Variants in PLEKHH2 observed in about 807,000 individuals in gnomAD.
PLEKHH2 encodes the protein pleckstrin homology, MyTH4 and FERM domain containing H2.
In PLEKHH2, 129 loss-of-function variants were observed where a neutral mutation model predicts 187.9. The observed-to-expected ratio is 0.69, with a 90% CI of 0.59 to 0.79. The LOEUF (loss-of-function observed/expected upper bound fraction) is 0.79. PLEKHH2 is among the 30% of genes least tolerant of loss of function. PLEKHH2 has a pLI of 0.00. For synonymous variants in PLEKHH2, 686 were observed against 605.6 expected, an observed-to-expected ratio of 1.13 and a Z score of -1.95; for missense variants, 2,076 against 1,751.2, an observed-to-expected ratio of 1.19 and a Z score of -3.31.
At chr2:43,720,342 A>G (rs1193468420) in intron 15 of PLEKHH2, among the ~76,000 whole-genome samples, 2 of 151,196 alleles carry the variant, frequency 1.3e-5, no homozygotes, top group East Asian at 3.9e-4. Context: ...GGTTTGTTAC[A>G]TGTGAATATT....
intron 8 of PLEKHH2, 30 bp downstream of exon 8, chr2:43,700,638 G>C (rs145347857): frequency 9.2e-5 from 144 of 1,562,310 alleles, no homozygotes; most frequent in Non-Finnish European, 1.2e-4. Flanking sequence ...TAACACATAC[G>C]CAGTAGTTTT....
chr2:43,753,563 C>T (rs1037799297), intron 24 of PLEKHH2, 56 bp from the exon 25 acceptor site: 64 of 1,344,040 alleles, frequency 4.8e-5, no homozygotes, highest in Non-Finnish European at 5.8e-5. Flanking sequence ...TTTATCTTTA[C>T]TTTATTTCCT....
At position 43,712,380 on chromosome 2, in the gene PLEKHH2, T is replaced by C. The variant is rs200685317; in HGVS notation, c.2457T>C (p.Thr819=). Residue 819 remains threonine (T), a synonymous_variant, in exon 15 of 30, where the codon ACT becomes ACC. Coordinates refer to ENST00000282406, the MANE Select transcript of PLEKHH2 (RefSeq NM_172069.4). ...AACCCACCATGAAGGGATTGCTCAC[T>C]AAGGTAGGAACCTCCTGTGCATAGC... ...EGKPTMKGLL[T]KVKHGYSKRV... 3.3e-5 allele frequency: 54 copies of C among 1,613,982 alleles called. No individual in the cohort carries two copies. Among genetic ancestry groups the C allele is most frequent in the Non-Finnish European group, 3.8e-5 (45 of 1,179,954 alleles).
At chr2:43,741,568 A>G (rs1290477951) in intron 21 of PLEKHH2, among the ~76,000 whole-genome samples, 1 of 152,246 alleles carries the variant, frequency 6.6e-6, no homozygotes, top group Non-Finnish European at 1.5e-5. Context: ...ATCCAGGGTC[A>G]TTTTGTCCAC....
At position 43,738,347 on chromosome 2, in the gene PLEKHH2, C is replaced by T; in HGVS notation, c.2950C>T (p.Gln984Ter). 1 of 1,606,784 alleles carries T rather than the reference C, an allele frequency of 6.2e-7. No individual in the cohort carries two copies. Among genetic ancestry groups the T allele is most frequent in the Non-Finnish European group, 8.5e-7 (1 of 1,175,210 alleles). ...TEAIKLFKTC[Q>*]LFINAAVDSP... Reference sequence around the variant, plus strand: ...CTTTTTTTGTTTAATTCAGACCTGCCAGCTTTTTATAAATGCTGCAGTTGA... The same window carrying T: ...CTTTTTTTGTTTAATTCAGACCTGCTAGCTTTTTATAAATGCTGCAGTTGA... Residue 984 changes from glutamine to a stop codon, truncating the protein, a stop_gained, in exon 20 of 30, where the codon CAG (glutamine) becomes TAG (stop). Coordinates refer to ENST00000282406, the MANE Select transcript of PLEKHH2 (RefSeq NM_172069.4). LOFTEE classifies it high-confidence loss of function.
intron 2 of PLEKHH2, among the ~76,000 whole-genome samples, chr2:43,655,722 C>T (rs573284115): frequency 6.6e-6 from 1 of 152,270 alleles, no homozygotes; most frequent in South Asian, 2.1e-4. Context: ...TTGGAAATCT[C>T]ACTTGGGGTA....
intron 2 of PLEKHH2, among the ~76,000 whole-genome samples, chr2:43,648,559 TCG>T (rs1491577088): frequency 1.3e-5 from 1 of 77,164 alleles, no homozygotes; most frequent in Non-Finnish European, 2.7e-5. Context: ...GTAATTACAT[TCG>T]TGTGTGTGTG....
At chr2:43,659,290 C>T (rs1169230071) in intron 2 of PLEKHH2, among the ~76,000 whole-genome samples, 1 of 151,988 alleles carries the variant, frequency 6.6e-6, no homozygotes, top group Non-Finnish European at 1.5e-5. Context: ...AGCCACCAAG[C>T]CTGGCAAAGA....
rs201566799 is a variant in PLEKHH2 at position 43,699,866 on chromosome 2, C to T, written c.908C>T (p.Thr303Ile). The change falls in exon 8 of 30, where the codon ACA (threonine) becomes ATA (isoleucine). Residue 303 changes from threonine (T) to isoleucine (I), a missense_variant. By Grantham distance (89) the Thr-to-Ile change is moderately conservative (BLOSUM62 -1). Transcript: ENST00000282406. ...GSKGRSKSRC[T>I]STLSSHTSEE... ...AAAGGAAGATCCAAGTCCAGATGCA[C>T]ATCCACCCTCTCCAGTCACACATCT... The T allele has an allele frequency of 3.7e-6, 6 of 1,614,116 alleles. No individual in the cohort carries two copies. The highest frequency in any genetic ancestry group is 4.5e-5 in the East Asian group (2 of 44,880).
Position 43,710,099 on chromosome 2 carries a change from C to G in PLEKHH2, c.2076C>G (p.Cys692Trp). ...SQPEQKLPKT[C>W]SSSSDNGKNE... ...CAGAGCAGAAGCTCCCAAAAACTTGCTCATCTTCCAGTGATAATGGGAAAA... is the reference window on the plus strand; with the variant it reads ...CAGAGCAGAAGCTCCCAAAAACTTGGTCATCTTCCAGTGATAATGGGAAAA... Residue 692 changes from cysteine (C) to tryptophan (W), a missense_variant, in exon 12 of 30, where the codon TGC (cysteine) becomes TGG (tryptophan). Cys to Trp is a radical substitution (Grantham distance 215). Coordinates refer to ENST00000282406, the MANE Select transcript of PLEKHH2 (RefSeq NM_172069.4). 6.2e-7 allele frequency: 1 copy of G among 1,613,140 alleles called. No homozygotes were observed. The highest frequency in any genetic ancestry group is 8.5e-7 in the Non-Finnish European group (1 of 1,179,736).
At position 43,720,175 on chromosome 2, in the gene PLEKHH2, C is replaced by A. The variant is rs114784541; in HGVS notation, c.2461-494C>A. On this transcript the variant is annotated intron_variant, in intron 15 of 29. Transcript: ENST00000282406. ...CTCCCTTCTTTATCCATCTGTGAAA[C>A]CTCAGTCCTAGGCATAGTGTTTGAT... Among the ~76,000 whole-genome samples, 857 of 152,254 alleles carry A rather than the reference C, an allele frequency of 5.6e-3. 15 individuals are homozygous for A. Among genetic ancestry groups the A allele is most frequent in the African/African-American group, 0.019 (808 of 41,536 alleles).
At chr2:43,754,404 G>A (rs1672132204) in intron 25 of PLEKHH2, among the ~76,000 whole-genome samples, 1 of 151,998 alleles carries the variant, frequency 6.6e-6, no homozygotes, top group Non-Finnish European at 1.5e-5. Flanking sequence ...GCTTCAGGGT[G>A]GGGGAAGGGC....
chr2:43,641,521 A>G (rs1437008350), intron 1 of PLEKHH2, among the ~76,000 whole-genome samples: 1 of 151,814 alleles, frequency 6.6e-6, no homozygotes, highest in African/African-American at 2.4e-5. Context: ...TTAGCTCATC[A>G]GCTACCTTTA....
At chr2:43,751,380 G>C (rs1672003288) in intron 24 of PLEKHH2, among the ~76,000 whole-genome samples, 1 of 152,192 alleles carries the variant, frequency 6.6e-6, no homozygotes, top group Non-Finnish European at 1.5e-5. Flanking sequence ...GGTGAACAGA[G>C]AGAGATTGCA....
intron 24 of PLEKHH2, among the ~76,000 whole-genome samples, chr2:43,750,750 G>A (rs900089374): frequency 1.3e-5 from 2 of 152,074 alleles, no homozygotes; most frequent in Non-Finnish European, 2.9e-5. Context: ...CAGGATTTTT[G>A]GCAAATAATT....
At chr2:43,647,267 C>A (rs1210571948) in intron 2 of PLEKHH2, among the ~76,000 whole-genome samples, 4 of 152,182 alleles carry the variant, frequency 2.6e-5, no homozygotes, top group Admixed American at 6.5e-5. Flanking sequence ...ATCCTTATAA[C>A]TATCCTATGA....
intron 2 of PLEKHH2, among the ~76,000 whole-genome samples, chr2:43,668,566 C>T (rs1667336249): frequency 6.6e-6 from 1 of 152,156 alleles, no homozygotes; most frequent in African/African-American, 2.4e-5. Context: ...GTTTAAACAA[C>T]ATTGCAAATG....
At chr2:43,704,278 G>C (rs113960793) in intron 9 of PLEKHH2, among the ~76,000 whole-genome samples, 2 of 152,124 alleles carry the variant, frequency 1.3e-5, no homozygotes, top group Admixed American at 1.3e-4. Context: ...ACTGGGTATA[G>C]CATTTCAGAT....
chr2:43,722,815 A>T (rs1204187640), intron 16 of PLEKHH2, among the ~76,000 whole-genome samples: 1 of 152,242 alleles, frequency 6.6e-6, no homozygotes, highest in Non-Finnish European at 1.5e-5. Context: ...ATAATTTAAT[A>T]AAAATGGATA....
Sources: gnomAD v4.1 joint callset for allele counts (sites outside exome capture counted in the v4.1 genomes callset) on GRCh38, gnomAD v4.1.1 for gene constraint, MANE v1.5 for transcripts, NCBI Gene and HGNC (gene_info 2026-07-23, HGNC 2026-07-21) for gene names.